Variants in PDE1A observed in about 807,000 individuals in gnomAD.
PDE1A encodes dual specificity calcium/calmodulin-dependent 3',5'-cyclic nucleotide phosphodiesterase 1A.
A neutral mutation model predicts 61.7 loss-of-function variants in PDE1A; 35 were observed. The observed-to-expected ratio is 0.57, with a 90% confidence interval of 0.43 to 0.75. The LOEUF (loss-of-function observed/expected upper bound fraction) is 0.75, where lower values mean the gene tolerates loss of function less well. Among genes scored for constraint, PDE1A ranks in the 30% least tolerant of loss-of-function variants. The pLI is 0.00. For synonymous variants in PDE1A, 232 were observed against 213.2 expected, an observed-to-expected ratio of 1.09 and a Z score of -0.77; for missense variants, 597 against 630.6, an observed-to-expected ratio of 0.95 and a Z score of 0.57.
intron 1 of PDE1A, among the ~76,000 whole-genome samples, chr2:182,402,181 T>A (rs1702040532): frequency 6.6e-6 from 1 of 152,094 alleles, no homozygotes; most frequent in South Asian, 2.1e-4. Context: ...ATACTTTAAA[T>A]TTCATATGGA....
the PDE1A span, among the ~76,000 whole-genome samples, chr2:182,628,892 A>C: frequency 1.3e-5 from 2 of 152,184 alleles, no homozygotes; most frequent in Non-Finnish European, 2.9e-5. Context: ...TCTTCTAGCC[A>C]ACAGAATATG....
At chr2:182,331,388 T>C (rs1316368788) in intron 1 of PDE1A, among the ~76,000 whole-genome samples, 2 of 152,230 alleles carry the variant, frequency 1.3e-5, no homozygotes, top group Non-Finnish European at 2.9e-5. Flanking sequence ...TTTGATCCTA[T>C]CATTATGCTA....
At chr2:182,259,196 GA>G (rs1392032093) in intron 2 of PDE1A, among the ~76,000 whole-genome samples, 1 of 152,084 alleles carries the variant, frequency 6.6e-6, no homozygotes, top group Non-Finnish European at 1.5e-5. Context: ...CCAAATTAAG[GA>G]TCCCTAGATT....
chr2:182,443,756 T>A lies in PDE1A; in HGVS notation c.101+78520A>T, dbSNP rs559068913. ...TTCACTCTTGTTGCCCAGGCTGGAG[T>A]TTAATGGTGTGATCTTGGCTCACTG... On this transcript the variant is annotated intron_variant, in intron 2 of 14. Coordinates refer to the PDE1A transcript ENST00000410103. 2.7e-5 allele frequency among the ~76,000 whole-genome samples: 4 copies of A among 148,134 alleles called. No individual in the cohort carries two copies. In the South Asian group the frequency reaches 8.5e-4, roughly 32 times the overall value.
chr2:182,534,572 G>T, the PDE1A span, among the ~76,000 whole-genome samples: 130 of 150,938 alleles, frequency 8.6e-4, 1 homozygote, highest in Admixed American at 1.9e-3. Context: ...TGTATTTTTT[G>T]AATTTTTGTA....
the PDE1A span, among the ~76,000 whole-genome samples, chr2:182,622,723 G>A: frequency 5.3e-5 from 8 of 152,284 alleles, no homozygotes; most frequent in East Asian, 5.8e-4. Context: ...AGAAGGCTGA[G>A]CTAGATTTGA....
At chr2:182,418,489 T>C (rs1020936938) in intron 1 of PDE1A, among the ~76,000 whole-genome samples, 1 of 152,102 alleles carries the variant, frequency 6.6e-6, no homozygotes, top group Non-Finnish European at 1.5e-5. Flanking sequence ...TTCATATATA[T>C]TTTTTTCCTG....
chr2:182,524,572 T>C (rs1690739878), upstream of PDE1A, among the ~76,000 whole-genome samples: 1 of 152,136 alleles, frequency 6.6e-6, no homozygotes, highest in Non-Finnish European at 1.5e-5. Context: ...AAAAAATCCT[T>C]AATCATTTCA....
intron 2 of PDE1A, among the ~76,000 whole-genome samples, chr2:182,244,740 GTTTC>G (rs1246900924): frequency 2.2e-4 from 33 of 151,906 alleles, no homozygotes; most frequent in Admixed American, 2.2e-3. Context: ...TTCCATGTTG[GTTTC>G]TTTTTGAAAA....
chr2:182,626,555 A>C, the PDE1A span, among the ~76,000 whole-genome samples: 1 of 151,004 alleles, frequency 6.6e-6, no homozygotes, highest in Non-Finnish European at 1.5e-5. Flanking sequence ...ATAAAAAAAA[A>C]CCATGATGAC....
At chr2:182,564,948 A>G in the PDE1A span, among the ~76,000 whole-genome samples, 1 of 152,096 alleles carries the variant, frequency 6.6e-6, no homozygotes, top group African/African-American at 2.4e-5. Flanking sequence ...CTAGTTATAC[A>G]TTCGTCTAAA....
At chr2:182,420,034 A>G in intron 1 of PDE1A, among the ~76,000 whole-genome samples, 1 of 148,988 alleles carries the variant, frequency 6.7e-6, no homozygotes, top group Middle Eastern at 3.5e-3. Context: ...GAAGTATAAT[A>G]TAATTAATAC....
chr2:182,383,371 C>A (rs1463709400), intron 1 of PDE1A, among the ~76,000 whole-genome samples: 1 of 152,098 alleles, frequency 6.6e-6, no homozygotes, highest in African/African-American at 2.4e-5. Flanking sequence ...CATTAGTTAA[C>A]TGATCTTGTC....
chr2:182,146,374 C>G (rs1400167422), downstream of PDE1A, among the ~76,000 whole-genome samples: 6 of 152,116 alleles, frequency 3.9e-5, no homozygotes, highest in Admixed American at 3.9e-4. Context: ...TGGGTATAAA[C>G]ATATTTTTAC....
At chr2:182,176,163 T>C (rs1430542884) in intron 13 of PDE1A, among the ~76,000 whole-genome samples, 1 of 148,426 alleles carries the variant, frequency 6.7e-6, no homozygotes, top group Non-Finnish European at 1.5e-5. Context: ...GACTTGGCGA[T>C]GCGGGCTCTT....
chr2:182,299,575 C>G (rs1322491434), intron 1 of PDE1A, among the ~76,000 whole-genome samples: 1 of 150,960 alleles, frequency 6.6e-6, no homozygotes, highest in Non-Finnish European at 1.5e-5. Flanking sequence ...GCAAAAACAG[C>G]CTAGAACATG....
At chr2:182,678,388 A>C in the PDE1A span, among the ~76,000 whole-genome samples, 1 of 152,190 alleles carries the variant, frequency 6.6e-6, no homozygotes, top group Non-Finnish European at 1.5e-5. Flanking sequence ...ATGCCATTGC[A>C]CTCCAGCCTG....
the PDE1A span, among the ~76,000 whole-genome samples, chr2:182,574,015 TTAAG>T: frequency 6.6e-6 from 1 of 150,504 alleles, no homozygotes; most frequent in Non-Finnish European, 1.5e-5. Context: ...ACGGAGTTTA[TTAAG>T]TGTTAACTTA....
intron 2 of PDE1A, among the ~76,000 whole-genome samples, chr2:182,263,708 G>C (rs527320845): frequency 6.6e-6 from 1 of 152,300 alleles, no homozygotes; most frequent in East Asian, 1.9e-4. Context: ...ATATCCTCCA[G>C]GGGGTGAACA....
Sources: allele counts gnomAD v4.1 joint callset (sites outside exome capture counted in the v4.1 genomes callset), GRCh38; gene constraint gnomAD v4.1.1; transcripts MANE v1.5; gene names NCBI Gene and HGNC (gene_info 2026-07-23, HGNC 2026-07-21).